The following HHIP variants were observed in gnomAD, a reference collection of about 807,000 sequenced individuals.
The protein encoded by HHIP is hedgehog interacting protein, also known as hedgehog-interacting protein.
In HHIP, 12 loss-of-function variants were observed where a neutral mutation model predicts 74.0. That is an observed-to-expected ratio of 0.16 (90% CI 0.10 to 0.26). The LOEUF (loss-of-function observed/expected upper bound fraction) is 0.26. HHIP is among the 10% of genes least tolerant of loss of function. The pLI is 1.00. For synonymous variants in HHIP, 309 were observed against 311.6 expected (o/e 0.99, Z 0.09); for missense variants, 788 against 845.0 (o/e 0.93, Z 0.84).
intron 4 of HHIP, among the ~76,000 whole-genome samples, chr4:144,695,876 T>G (rs763153174): frequency 6.6e-6 from 1 of 151,900 alleles, no homozygotes; most frequent in Non-Finnish European, 1.5e-5. Flanking sequence ...AATATAAGTA[T>G]AAATGTGCAT....
At position 144,646,283 on chromosome 4, in the gene HHIP, C is replaced by T. The variant is rs1728251266; in HGVS notation, c.-393C>T. 1 of 184,308 alleles carries T rather than the reference C, an allele frequency of 5.4e-6. No individual in the cohort carries two copies. The highest frequency in any genetic ancestry group is 2.4e-5 in the African/African-American group (1 of 42,258). The allele number at this position is 184,308 out of a possible 1,614,324, so 11.4% of individuals were successfully genotyped here. ...GCCGTTTCTGTTCCTGCTACTGTCC[C>T]ACCTAAACAACTCCCGTTACACGGA... is the stretch of plus-strand genomic sequence containing the variant. On this transcript the variant is annotated 5_prime_UTR_variant, in exon 1 of 13. Coordinates refer to ENST00000296575, the MANE Select transcript of HHIP (RefSeq NM_022475.3).
intron 8 of HHIP, among the ~76,000 whole-genome samples, chr4:144,713,858 C>T (rs372922158): frequency 1.3e-5 from 2 of 151,890 alleles, no homozygotes; most frequent in East Asian, 3.8e-4. Context: ...AGAAGCATTT[C>T]TACACAAAAC....
intron 4 of HHIP, among the ~76,000 whole-genome samples, chr4:144,660,990 T>C (rs1172002962): frequency 6.6e-6 from 1 of 152,144 alleles, no homozygotes; most frequent in Non-Finnish European, 1.5e-5. Flanking sequence ...ATATTAACAA[T>C]AGTTTTCAAA....
At chr4:144,665,504 A>G (rs951354583) in intron 4 of HHIP, among the ~76,000 whole-genome samples, 2 of 152,142 alleles carry the variant, frequency 1.3e-5, no homozygotes, top group Non-Finnish European at 2.9e-5. Context: ...GTCATTTTCA[A>G]TTTTCATGTA....
chr4:144,716,854 G>GAAAAAAAAAAAAAAAAAAAAAAAAAAAA (rs869028218), intron 10 of HHIP, among the ~76,000 whole-genome samples: 4 of 54,658 alleles, frequency 7.3e-5, no homozygotes, highest in Admixed American at 2.8e-4. Context: ...CGTCTCAAAA[G>GAAAAAAAAAAAAAAAAAAAAAAAAAAAA]AAAAAAAAAA....
At position 144,659,700 on chromosome 4, in the gene HHIP, T is replaced by C. The variant is rs1473735987; in HGVS notation, c.693T>C (p.Gly231=). ...TGAGTGGGCTGCGGCAGCCCGTTGG[T>C]GCCCTGCATAGTGGGGATGGCTCGC... ...EVVSGLRQPV[G]ALHSGDGSQR... The change falls in exon 4 of 13, where the codon GGT becomes GGC. Residue 231 remains glycine (G), a synonymous_variant. Coordinates refer to ENST00000296575, the MANE Select transcript of HHIP (RefSeq NM_022475.3). 2 of 1,587,714 alleles carry C rather than the reference T, an allele frequency of 1.3e-6. No homozygotes were observed. The highest frequency in any genetic ancestry group is 1.2e-5 in the South Asian group (1 of 85,766).
intron 6 of HHIP, among the ~76,000 whole-genome samples, chr4:144,707,957 G>A (rs1228357881): frequency 1.3e-5 from 2 of 151,996 alleles, no homozygotes; most frequent in African/African-American, 2.4e-5. Flanking sequence ...TTGCCAGGCT[G>A]GCCTTGAACT....
At chr4:144,707,046 TC>T in intron 5 of HHIP, 40 bp from the exon 6 acceptor site, 1 of 1,565,184 alleles carries the variant, frequency 6.4e-7, no homozygotes, top group Non-Finnish European at 8.8e-7. Flanking sequence ...TCATCTTAAA[TC>T]TTTTAACAGT....
At position 144,744,623 on chromosome 4, in the gene HHIP, C is replaced by T. The variant is rs1454762080; in HGVS notation, c.*6666C>T. ...CTCAGGTAATTTCTCTGAATTTGAA[C>T]TTATTTGATTTATTTAACCAAGTTA... On this transcript the variant is annotated 3_prime_UTR_variant, in exon 13 of 13. Transcript: ENST00000296575. 1 of 152,156 alleles carries T rather than the reference C, an allele frequency of 6.6e-6. No homozygotes were observed. Among genetic ancestry groups the T allele is most frequent in the Non-Finnish European group, 1.5e-5 (1 of 68,028 alleles). 9.4% of individuals were successfully genotyped at this position (152,156 alleles called of 1,614,324 possible).
chr4:144,677,646 T>C (rs1379706170), intron 4 of HHIP, among the ~76,000 whole-genome samples: 1 of 152,040 alleles, frequency 6.6e-6, no homozygotes, highest in Non-Finnish European at 1.5e-5. Context: ...TGGGCAGCAA[T>C]AACAACAGAC....
At chr4:144,724,611 A>G (rs147370857) in intron 11 of HHIP, among the ~76,000 whole-genome samples, 141 of 149,684 alleles carry the variant, frequency 9.4e-4, no homozygotes, top group African/African-American at 3.2e-3. Context: ...TTACCTACTT[A>G]TCATTATTTC....
chr4:144,718,841 T>A (rs1259050005), intron 10 of HHIP, 34 bp from the exon 11 acceptor site: 1 of 1,335,200 alleles, frequency 7.5e-7, no homozygotes, highest in Non-Finnish European at 1.1e-6. Flanking sequence ...TCTACTGCTA[T>A]AAATTTGCTT....
chr4:144,708,089 G>T, intron 6 of HHIP, 79 bp from the exon 7 acceptor site: 2 of 1,451,932 alleles, frequency 1.4e-6, no homozygotes, highest in Non-Finnish European at 1.9e-6. Context: ...TTCATCAATA[G>T]AGCAACCTCA....
intron 4 of HHIP, among the ~76,000 whole-genome samples, chr4:144,676,757 T>C (rs1265449277): frequency 6.6e-6 from 1 of 152,080 alleles, no homozygotes; most frequent in African/African-American, 2.4e-5. Context: ...TATGAGGAAC[T>C]CAAATTTCAT....
intron 4 of HHIP, among the ~76,000 whole-genome samples, chr4:144,684,061 T>TAAA (rs141349721): frequency 7.1e-6 from 1 of 141,490 alleles, no homozygotes. Flanking sequence ...AGACTCCGTC[T>TAAA]AAAAAAAAAA....
Position 144,652,756 on chromosome 4 carries a change from A to G in HHIP, c.431A>G (p.Tyr144Cys), listed in dbSNP as rs112206401. 1.2e-6 allele frequency: 2 copies of G among 1,602,510 alleles called. No homozygotes were observed. Among genetic ancestry groups the G allele is most frequent in the African/African-American group, 2.7e-5 (2 of 74,330 alleles). ...GTACTTCCTCTGCTCTGCAAAGACT[A>G]TTGCAAAGAATTCTTTTACACTTGC... ...DLVLPLLCKD[Y>C]CKEFFYTCRG... The change falls in exon 2 of 13, where the codon TAT becomes TGT. Residue 144 changes from tyrosine (Y) to cysteine (C), a missense_variant. This residue lies in a region of HHIP where 373 missense variants were observed against 366.4 expected (regional missense o/e 1.02). Transcript: ENST00000296575.
intron 4 of HHIP, among the ~76,000 whole-genome samples, chr4:144,662,384 C>G (rs1364922402): frequency 6.6e-6 from 1 of 152,100 alleles, no homozygotes; most frequent in East Asian, 1.9e-4. Context: ...TTTTACACAC[C>G]AAGATCGTGC....
Position 144,739,301 on chromosome 4 carries a change from A to C in HHIP, c.*1344A>C, listed in dbSNP as rs939986838. ...CTCTCCACGTTTGGATTTTAACAAAATATAAGGCCTCTTTGCACTAGTGAA... is the reference window on the plus strand; with the variant it reads ...CTCTCCACGTTTGGATTTTAACAAACTATAAGGCCTCTTTGCACTAGTGAA... On this transcript the variant is annotated 3_prime_UTR_variant, in exon 13 of 13. Coordinates refer to ENST00000296575, the MANE Select transcript of HHIP (RefSeq NM_022475.3). 6.6e-6 allele frequency: 1 copy of C among 152,204 alleles called. No homozygotes were observed. The highest frequency in any genetic ancestry group is 1.5e-5 in the Non-Finnish European group (1 of 68,034). The allele number at this position is 152,204 out of a possible 1,614,324, so 9.4% of individuals were successfully genotyped here.
intron 4 of HHIP, among the ~76,000 whole-genome samples, chr4:144,691,838 G>T (rs577571139): frequency 2.0e-5 from 3 of 151,182 alleles, no homozygotes; most frequent in Admixed American, 1.3e-4. Context: ...ATCAAATAAG[G>T]GAGAAAAAAA....
Sources: gnomAD v4.1 joint callset for allele counts (sites outside exome capture counted in the v4.1 genomes callset) on GRCh38, gnomAD v4.1.1 for gene constraint, gnomAD v4.1.1 regional missense constraint, MANE v1.5 for transcripts, NCBI Gene and HGNC (gene_info 2026-07-23, HGNC 2026-07-21) for gene names.